Variants in TINAG observed in about 807,000 individuals in gnomAD.
TINAG encodes tubulointerstitial nephritis antigen.
A neutral mutation model predicts 72.7 loss-of-function variants in TINAG; 83 were observed. That is an observed-to-expected ratio of 1.14 (90% CI 0.96 to 1.37). The LOEUF (loss-of-function observed/expected upper bound fraction) is 1.37. Among genes scored for constraint, TINAG ranks in the 40% most tolerant of loss-of-function variants. The pLI is 0.00. For missense variants in TINAG, 685 were observed against 576.6 expected (o/e 1.19, Z -1.93); for synonymous variants, 234 against 189.9 (o/e 1.23, Z -1.91).
intron 9 of TINAG, among the ~76,000 whole-genome samples, chr6:54,366,719 A>G (rs984186379): frequency 6.6e-6 from 1 of 151,652 alleles, no homozygotes; most frequent in Non-Finnish European, 1.5e-5. Flanking sequence ...AGGAAGGCAC[A>G]TAATTCCAAA....
chr6:54,344,555 T>C (rs1785075293), intron 5 of TINAG, among the ~76,000 whole-genome samples: 1 of 152,218 alleles, frequency 6.6e-6, no homozygotes, highest in Non-Finnish European at 1.5e-5. Flanking sequence ...TTTATATTCA[T>C]GTGGTTAAGG....
intron 1 of TINAG, among the ~76,000 whole-genome samples, chr6:54,316,003 TATG>T (rs1231861919): frequency 2.0e-5 from 3 of 152,164 alleles, no homozygotes; most frequent in Non-Finnish European, 4.4e-5. Context: ...GTTACAAAAA[TATG>T]ACACAAACCA....
intron 4 of TINAG, among the ~76,000 whole-genome samples, chr6:54,337,121 A>G (rs189453300): frequency 7.7e-4 from 116 of 151,488 alleles, no homozygotes; most frequent in Admixed American, 1.6e-3. Flanking sequence ...ATGTAATAAT[A>G]TGAGGATTTT....
At chr6:54,371,066 TAGAA>T (rs1242997405) in intron 9 of TINAG, among the ~76,000 whole-genome samples, 1 of 151,928 alleles carries the variant, frequency 6.6e-6, no homozygotes, top group Non-Finnish European at 1.5e-5. Flanking sequence ...AAAGAATTCT[TAGAA>T]AGCTATCTTT....
chr6:54,361,604 AT>A lies in TINAG; in HGVS notation c.1250+6971del. On this transcript the variant is annotated intron_variant, in intron 9 of 10. Transcript: ENST00000259782. ...ACTGGGGATTGTAATTCAACATGAG[AT>A]TTAGGTGGGGACACAGAGCCAAACC... Among the ~76,000 whole-genome samples, 3 of 151,748 alleles carry A rather than the reference AT, an allele frequency of 2.0e-5. No homozygotes were observed. The South Asian group carries it at 6.2e-4, about 31-fold the overall frequency.
intron 9 of TINAG, among the ~76,000 whole-genome samples, chr6:54,360,939 G>C (rs1763217334): frequency 7.5e-6 from 1 of 133,696 alleles, no homozygotes; most frequent in Admixed American, 8.6e-5. Flanking sequence ...TCAACAGCAT[G>C]TGCTTGCTTG....
At chr6:54,315,765 A>G (rs868370757) in intron 1 of TINAG, among the ~76,000 whole-genome samples, 4 of 152,272 alleles carry the variant, frequency 2.6e-5, no homozygotes, top group Middle Eastern at 3.4e-3. Context: ...GATTTTCTAG[A>G]CATAACCTTT....
At chr6:54,371,104 C>T (rs891308242) in intron 9 of TINAG, among the ~76,000 whole-genome samples, 7 of 138,114 alleles carry the variant, frequency 5.1e-5, no homozygotes, top group East Asian at 2.1e-4. Flanking sequence ...ATGTCACTTA[C>T]GAAAACTGTG....
chr6:54,367,878 G>A (rs1036921405), intron 9 of TINAG, among the ~76,000 whole-genome samples: 3 of 151,734 alleles, frequency 2.0e-5, no homozygotes, highest in East Asian at 1.9e-4. Context: ...TGAAGGGCCT[G>A]CTTTCTTGTT....
At chr6:54,327,025 T>C in intron 4 of TINAG, 109 bp downstream of exon 4, 1 of 1,553,242 alleles carries the variant, frequency 6.4e-7, no homozygotes, top group South Asian at 1.2e-5. Context: ...GAGCTTTCAG[T>C]CATAATTTTG....
At chr6:54,328,652 G>T (rs1784664416) in intron 4 of TINAG, among the ~76,000 whole-genome samples, 1 of 151,994 alleles carries the variant, frequency 6.6e-6, no homozygotes, top group South Asian at 2.1e-4. Flanking sequence ...GGCTTCAGAA[G>T]GTGGATAATA....
rs533842810 is a variant in TINAG, at chr6:54,308,814, CAG to C, written c.268_269del (p.Glu90LysfsTer3). On this transcript the variant is annotated frameshift_variant, in exon 1 of 11. Transcript: ENST00000259782. LOFTEE classifies it high-confidence loss of function. ...ALCYCDKFCD[R>X]ENSDCCPDYK... ...TGTGCTACTGTGATAAATTCTGTGA[CAG>C]AGAAAATTCTGATTGCTGTCCTGAC... is the stretch of plus-strand genomic sequence containing the variant. The C allele has an allele frequency of 1.0e-4, 167 of 1,613,786 alleles. No homozygotes were observed. Among genetic ancestry groups the C allele is most frequent in the South Asian group, 7.7e-4 (70 of 91,084 alleles).
At chr6:54,322,626 C>T (rs560847343) in intron 3 of TINAG, among the ~76,000 whole-genome samples, 122 of 152,132 alleles carry the variant, frequency 8.0e-4, no homozygotes, top group Non-Finnish European at 1.4e-3. Context: ...ATAATGGGGA[C>T]ACTAAATTTC....
intron 9 of TINAG, 118 bp downstream of exon 9, chr6:54,354,754 A>G: frequency 8.7e-7 from 1 of 1,150,960 alleles, no homozygotes; most frequent in Admixed American, 3.1e-5. Flanking sequence ...TACAAATGAA[A>G]AATGATCTAA....
chr6:54,331,909 G>C (rs1055531057), intron 4 of TINAG, among the ~76,000 whole-genome samples: 5 of 152,174 alleles, frequency 3.3e-5, no homozygotes, highest in African/African-American at 1.2e-4. Flanking sequence ...CAAGGGATGT[G>C]AAGGATCTCT....
chr6:54,314,048 GAAAC>G (rs1784318284), intron 1 of TINAG, among the ~76,000 whole-genome samples: 1 of 152,216 alleles, frequency 6.6e-6, no homozygotes, highest in South Asian at 2.1e-4. Context: ...TTAGGTATGC[GAAAC>G]AATTAAGAAG....
chr6:54,310,159 T>C (rs553774980), intron 1 of TINAG, among the ~76,000 whole-genome samples: 1 of 150,456 alleles, frequency 6.6e-6, no homozygotes, highest in African/African-American at 2.4e-5. Flanking sequence ...CATGGCTCAC[T>C]GCAGCCTCTA....
chr6:54,358,878 T>A (rs1026194529), intron 9 of TINAG, among the ~76,000 whole-genome samples: 5 of 151,830 alleles, frequency 3.3e-5, no homozygotes, highest in African/African-American at 1.2e-4. Flanking sequence ...TGACATCTGA[T>A]CGCATTAGCT....
At chr6:54,351,510 T>A (rs1785266319) in intron 8 of TINAG, 113 bp downstream of exon 8, 2 of 921,106 alleles carry the variant, frequency 2.2e-6, no homozygotes, top group South Asian at 1.7e-5. Context: ...ACTTTAAGAG[T>A]ATCCAAAAGG....
Sources: gnomAD v4.1 joint callset for allele counts (sites outside exome capture counted in the v4.1 genomes callset) on GRCh38, gnomAD v4.1.1 for gene constraint, MANE v1.5 for transcripts, NCBI Gene and HGNC (gene_info 2026-07-23, HGNC 2026-07-21) for gene names.